The following CDH18 variants were observed in gnomAD, a reference collection of about 807,000 sequenced individuals.
CDH18 encodes the protein cadherin-18.
A neutral mutation model predicts 67.9 loss-of-function variants in CDH18; 31 were observed. The ratio of observed to expected loss-of-function variants is 0.46; its 90% CI spans 0.34 to 0.62. The LOEUF is 0.62. CDH18 is among the 20% of genes least tolerant of loss of function. The probability of loss-of-function intolerance (pLI) is 0.01; values close to 1 mark genes in which losing one functional copy is unlikely to be tolerated. For missense variants in CDH18, 890 were observed against 975.5 expected, an observed-to-expected ratio of 0.91 and a Z score of 1.17; for synonymous variants, 362 against 347.2, an observed-to-expected ratio of 1.04 and a Z score of -0.48.
chr5:20,472,721 C>T (rs934318472), intron 1 of CDH18, among the ~76,000 whole-genome samples: 5 of 152,124 alleles, frequency 3.3e-5, no homozygotes, highest in South Asian at 2.1e-4. Context: ...GATTCAATGA[C>T]GATGCCTGAG....
chr5:20,082,558 T>A (rs1744574097), intron 2 of CDH18, among the ~76,000 whole-genome samples: 1 of 152,176 alleles, frequency 6.6e-6, no homozygotes. Flanking sequence ...TTTTTGGTCC[T>A]TTGATTTAGT....
Position 19,750,105 on chromosome 5 carries a change from T to G in CDH18, c.229-2869A>C, listed in dbSNP as rs1581184494. On this transcript the variant is annotated intron_variant, in intron 3 of 12. Transcript: ENST00000382275. Reference sequence around the variant, plus strand: ...TAGTTTCTTGGCCAGCTTGGTTAAATCTTGAAATAAGCAGATTCCCATGTA... The same window carrying G: ...TAGTTTCTTGGCCAGCTTGGTTAAAGCTTGAAATAAGCAGATTCCCATGTA... 2.0e-5 allele frequency among the ~76,000 whole-genome samples: 3 copies of G among 152,064 alleles called. No homozygotes were observed. In the South Asian group the frequency reaches 6.2e-4, roughly 31 times the overall value.
At position 19,571,653 on chromosome 5, in the gene CDH18, G is replaced by A. The variant is rs140338437; in HGVS notation, c.1179C>T (p.Tyr393=). The A allele has an allele frequency of 7.5e-5, 121 of 1,613,672 alleles. No homozygotes were observed. The highest frequency in any genetic ancestry group is 9.7e-5 in the Non-Finnish European group (114 of 1,179,818). Residue 393 remains tyrosine (Y), a synonymous_variant, in exon 8 of 13, where the codon TAC becomes TAT. Coordinates refer to ENST00000382275, the MANE Select transcript of CDH18 (RefSeq NM_004934.5). ...FSMPSYLMEV[Y]ENAKIGTVVG... The stretch of plus-strand genomic sequence containing the variant: ...CGACGGTCCCAATCTTGGCATTTTC[G>A]TAGACTTCCATGAGGTAGGAAGGCA...
At chr5:19,475,398 G>T (rs1579658503) in intron 12 of CDH18, among the ~76,000 whole-genome samples, 3 of 151,794 alleles carry the variant, frequency 2.0e-5, no homozygotes, top group African/African-American at 7.3e-5. Context: ...AACACAAAAC[G>T]TATTTTATAA....
chr5:19,933,514 A>G (rs1220712282), intron 2 of CDH18, among the ~76,000 whole-genome samples: 2 of 151,524 alleles, frequency 1.3e-5, no homozygotes, highest in African/African-American at 4.8e-5. Flanking sequence ...TTTTGCCTTG[A>G]AAGCAAAACT....
At chr5:20,307,516 TAGAGA>T (rs1388746591) in intron 1 of CDH18, among the ~76,000 whole-genome samples, 1 of 152,154 alleles carries the variant, frequency 6.6e-6, no homozygotes, top group Admixed American at 6.5e-5. Context: ...AGAACAGCAC[TAGAGA>T]AGACATGAAT....
intron 1 of CDH18, among the ~76,000 whole-genome samples, chr5:20,552,795 C>T (rs1028949481): frequency 6.6e-6 from 1 of 151,858 alleles, no homozygotes; most frequent in Non-Finnish European, 1.5e-5. Context: ...GCTCTGTTGC[C>T]CAGGCTGGAG....
At chr5:20,392,189 A>G (rs1254469723) in intron 1 of CDH18, among the ~76,000 whole-genome samples, 6 of 152,058 alleles carry the variant, frequency 3.9e-5, no homozygotes, top group East Asian at 3.9e-4. Flanking sequence ...ACACTTTCAT[A>G]TTACAACACA....
chr5:20,138,706 C>A (rs916533762), intron 2 of CDH18, among the ~76,000 whole-genome samples: 5 of 152,126 alleles, frequency 3.3e-5, no homozygotes, highest in Admixed American at 1.3e-4. Flanking sequence ...AGTGAACTCC[C>A]ATTCACAATT....
At chr5:19,741,932 A>G (rs1769263794) in intron 4 of CDH18, among the ~76,000 whole-genome samples, 1 of 152,202 alleles carries the variant, frequency 6.6e-6, no homozygotes, top group Non-Finnish European at 1.5e-5. Context: ...ACAACAAAGA[A>G]TTATCCAGTC....
intron 1 of CDH18, among the ~76,000 whole-genome samples, chr5:20,501,510 A>C (rs1167286869): frequency 8.0e-5 from 2 of 24,974 alleles, no homozygotes; most frequent in African/African-American, 1.1e-4. Context: ...CATATTTTAT[A>C]TATATTATAT....
At chr5:19,996,405 T>C (rs905600724) in intron 2 of CDH18, among the ~76,000 whole-genome samples, 7 of 152,078 alleles carry the variant, frequency 4.6e-5, no homozygotes, top group African/African-American at 1.7e-4. Context: ...ATATAAACAA[T>C]GATTTAATGA....
intron 5 of CDH18, among the ~76,000 whole-genome samples, chr5:19,671,165 G>C (rs78360077): frequency 0.042 from 6,457 of 152,102 alleles, 404 homozygotes; most frequent in African/African-American, 0.14. Context: ...ACTGAGAAGA[G>C]GGTAAAGTTC....
chr5:19,809,270 C>T (rs949409665), intron 3 of CDH18, among the ~76,000 whole-genome samples: 7 of 152,084 alleles, frequency 4.6e-5, no homozygotes, highest in Admixed American at 2.0e-4. Context: ...TGTCAGATAG[C>T]CCAGTGCCTC....
intron 2 of CDH18, among the ~76,000 whole-genome samples, chr5:20,136,226 TAA>T (rs1749704210): frequency 6.6e-6 from 1 of 152,210 alleles, no homozygotes; most frequent in Admixed American, 6.5e-5. Context: ...TGTGGGAGTC[TAA>T]GTCTCTTTGT....
chr5:20,405,668 A>T (rs1227645221), intron 1 of CDH18, among the ~76,000 whole-genome samples: 1 of 152,208 alleles, frequency 6.6e-6, no homozygotes, highest in Non-Finnish European at 1.5e-5. Flanking sequence ...GAATGGGAGA[A>T]AATTTTTGCA....
chr5:19,832,145 A>G (rs1460592506), intron 3 of CDH18, among the ~76,000 whole-genome samples: 2 of 152,082 alleles, frequency 1.3e-5, no homozygotes, highest in Non-Finnish European at 2.9e-5. Context: ...AAAACTACCT[A>G]TTGATTACTG....
chr5:20,361,530 TCCC>T (rs893816944), intron 1 of CDH18, among the ~76,000 whole-genome samples: 11 of 152,134 alleles, frequency 7.2e-5, no homozygotes, highest in African/African-American at 2.6e-4. Context: ...GTATTAAGGG[TCCC>T]TATCTTTGTA....
At chr5:20,172,204 A>ACACATG in intron 2 of CDH18, among the ~76,000 whole-genome samples, 1 of 60,298 alleles carries the variant, frequency 1.7e-5, no homozygotes, top group African/African-American at 8.0e-5. Context: ...ATATATATAT[A>ACACATG]TATATATATA....
Sources: gnomAD v4.1 joint callset for allele counts (sites outside exome capture counted in the v4.1 genomes callset) on GRCh38, gnomAD v4.1.1 for gene constraint, MANE v1.5 for transcripts, NCBI Gene and HGNC (gene_info 2026-07-23, HGNC 2026-07-21) for gene names.